Variants in RAB3GAP1 observed in about 807,000 individuals in gnomAD.
RAB3GAP1 encodes the protein rab3 GTPase-activating protein catalytic subunit.
RAB3GAP1 carries 86 observed loss-of-function variants against 130.7 expected under a neutral mutation model. That is an observed-to-expected ratio of 0.66 (90% CI 0.55 to 0.79). The LOEUF is 0.79. RAB3GAP1 is among the 30% of genes least tolerant of loss of function. The probability of loss-of-function intolerance (pLI) is 0.00; values close to 1 mark genes in which losing one functional copy is unlikely to be tolerated. For synonymous variants in RAB3GAP1, 367 were observed against 401.7 expected (o/e 0.91, Z 1.03); for missense variants, 1,029 against 1,169.4 (o/e 0.88, Z 1.75).
chr2:135,103,259 ACTC>A (rs1338973009), intron 5 of RAB3GAP1, among the ~76,000 whole-genome samples: 1 of 150,580 alleles, frequency 6.6e-6, no homozygotes, highest in Non-Finnish European at 1.5e-5. Flanking sequence ...CTGGTCTTGA[ACTC>A]CTGAGCTCAG....
rs147935672 is a variant in RAB3GAP1 at position 135,079,217 on chromosome 2, C to T, written c.151-11781C>T. Among the ~76,000 whole-genome samples, 160 of 152,226 alleles carry T rather than the reference C, an allele frequency of 1.1e-3. 1 individual carries two copies. The highest frequency in any genetic ancestry group is 3.1e-3 in the Admixed American group (48 of 15,302). Reference sequence around the variant, plus strand: ...TCCAGGATGGTCTTGAACTCCTGGGCTCCAGTGATCCTCCCATCTTGGCCT... The same window carrying T: ...TCCAGGATGGTCTTGAACTCCTGGGTTCCAGTGATCCTCCCATCTTGGCCT... On this transcript the variant is annotated intron_variant, in intron 3 of 23. Transcript: ENST00000264158.
At chr2:135,113,830 C>G (rs1690891199) in intron 6 of RAB3GAP1, among the ~76,000 whole-genome samples, 1 of 152,092 alleles carries the variant, frequency 6.6e-6, no homozygotes, top group East Asian at 1.9e-4. Context: ...GCCTCCACCT[C>G]CTGAGTTCAA....
At chr2:135,149,077 GTTC>G (rs1270062107) in intron 17 of RAB3GAP1, among the ~76,000 whole-genome samples, 1 of 152,088 alleles carries the variant, frequency 6.6e-6, no homozygotes, top group Non-Finnish European at 1.5e-5. Context: ...TCTTTATCAT[GTTC>G]TTCTCCATTT....
chr2:135,114,630 T>C (rs1690912765), intron 6 of RAB3GAP1, among the ~76,000 whole-genome samples: 1 of 152,204 alleles, frequency 6.6e-6, no homozygotes, highest in Non-Finnish European at 1.5e-5. Flanking sequence ...TACATAACCT[T>C]CTTTTATGTG....
intron 3 of RAB3GAP1, among the ~76,000 whole-genome samples, chr2:135,083,722 C>T (rs1689894216): frequency 6.9e-6 from 1 of 145,972 alleles, no homozygotes; most frequent in Non-Finnish European, 1.5e-5. Flanking sequence ...GCCTAAGCCT[C>T]TCAAAGTACC....
At chr2:135,134,096 T>A in intron 15 of RAB3GAP1, 63 bp downstream of exon 15, 2 of 1,590,942 alleles carry the variant, frequency 1.3e-6, no homozygotes, top group South Asian at 2.2e-5. Flanking sequence ...ATTTGACTTT[T>A]GACCTATTTT....
At chr2:135,114,872 A>G (rs1396588467) in intron 6 of RAB3GAP1, among the ~76,000 whole-genome samples, 1 of 152,246 alleles carries the variant, frequency 6.6e-6, no homozygotes, top group Non-Finnish European at 1.5e-5. Flanking sequence ...TATATTGTTT[A>G]ATACCTGTAA....
Position 135,130,731 on chromosome 2 carries a change from T to G in RAB3GAP1, c.1236+10T>G, listed in dbSNP as rs779413143. ...TAATACTATTCTCCTGGTAACTAAA[T>G]GTTCTGTCTTTATAGGTCTATATGC... On this transcript the variant is annotated intron_variant, in intron 13 of 23. Coordinates refer to ENST00000264158, the MANE Select transcript of RAB3GAP1 (RefSeq NM_012233.3). The G allele has an allele frequency of 1.2e-6, 2 of 1,605,304 alleles. No individual in the cohort carries two copies. The highest frequency in any genetic ancestry group is 1.7e-5 in the Admixed American group (1 of 60,010).
chr2:135,113,080 G>C (rs994853890), intron 5 of RAB3GAP1, 71 bp from the exon 6 acceptor site: 2 of 1,603,064 alleles, frequency 1.2e-6, no homozygotes, highest in Non-Finnish European at 1.7e-6. Context: ...AAATTTTTTT[G>C]TGCTTTTCAA....
chr2:135,120,998 C>A, intron 8 of RAB3GAP1, 80 bp downstream of exon 8: 1 of 1,003,876 alleles, frequency 1.0e-6, no homozygotes, highest in Non-Finnish European at 1.6e-6. Flanking sequence ...AATTACTTAA[C>A]AAGAGTTTCA....
At chr2:135,117,621 GCTT>G (rs1558784525) in intron 7 of RAB3GAP1, among the ~76,000 whole-genome samples, 4 of 15,870 alleles carry the variant, frequency 2.5e-4, no homozygotes, top group African/African-American at 7.5e-4. Context: ...TTCTGCTTCT[GCTT>G]CTTCTGCTTC....
chr2:135,059,310 A>T (rs912344652), intron 3 of RAB3GAP1, among the ~76,000 whole-genome samples: 5 of 152,130 alleles, frequency 3.3e-5, no homozygotes, highest in Non-Finnish European at 7.4e-5. Context: ...AATGATTTAC[A>T]CTACTAAGAA....
At chr2:135,056,627 A>C (rs1254860089) in intron 2 of RAB3GAP1, among the ~76,000 whole-genome samples, 1 of 152,190 alleles carries the variant, frequency 6.6e-6, no homozygotes. Context: ...TTAGCTTCGT[A>C]AATATAGTAT....
chr2:135,156,044 C>G (rs1212234093), intron 19 of RAB3GAP1, among the ~76,000 whole-genome samples: 2 of 152,114 alleles, frequency 1.3e-5, no homozygotes, highest in Non-Finnish European at 2.9e-5. Context: ...AAAAATACTA[C>G]TTTGCACATC....
At chr2:135,130,949 G>T (rs1356966876) in intron 13 of RAB3GAP1, among the ~76,000 whole-genome samples, 2 of 152,116 alleles carry the variant, frequency 1.3e-5, no homozygotes, top group African/African-American at 4.8e-5. Context: ...AGCACAGCAG[G>T]GGTGCATTTG....
intron 23 of RAB3GAP1, among the ~76,000 whole-genome samples, chr2:135,166,930 T>C (rs1454221327): frequency 6.6e-6 from 1 of 152,192 alleles, no homozygotes; most frequent in Non-Finnish European, 1.5e-5. Context: ...TAAGAAAAGA[T>C]TTTAAAGTTT....
At chr2:135,123,933 C>T in intron 8 of RAB3GAP1, 1 of 502,676 alleles carries the variant, frequency 2.0e-6, no homozygotes, top group Admixed American at 3.4e-5. Context: ...GAATACCTGG[C>T]CTGAATGAAA....
At chr2:135,077,687 G>A (rs1281540562) in intron 3 of RAB3GAP1, among the ~76,000 whole-genome samples, 1 of 152,112 alleles carries the variant, frequency 6.6e-6, no homozygotes, top group Admixed American at 6.6e-5. Context: ...ATGCTCAAGG[G>A]CTCCAGTTTC....
intron 5 of RAB3GAP1, among the ~76,000 whole-genome samples, chr2:135,105,837 C>A (rs1292659644): frequency 1.3e-5 from 2 of 151,422 alleles, no homozygotes; most frequent in Non-Finnish European, 1.5e-5. Context: ...AGCGCCTCTG[C>A]CCCGCCGCCC....
Sources: allele counts gnomAD v4.1 joint callset (sites outside exome capture counted in the v4.1 genomes callset), GRCh38; gene constraint gnomAD v4.1.1; transcripts MANE v1.5; gene names NCBI Gene and HGNC (gene_info 2026-07-23, HGNC 2026-07-21).